Variants in NPIPB2 observed in about 807,000 individuals in gnomAD.
NPIPB2 encodes nuclear pore complex-interacting protein family member B2.
NPIPB2 carries 27 observed loss-of-function variants against 30.8 expected under a neutral mutation model. The observed-to-expected ratio is 0.88, with a 90% CI of 0.65 to 1.21. NPIPB2 has a LOEUF of 1.21. Among genes scored for constraint, NPIPB2 ranks in the 50% most tolerant of loss-of-function variants. NPIPB2 has a pLI of 0.00. For synonymous variants in NPIPB2, 147 were observed against 162.0 expected (o/e 0.91, Z 0.70); for missense variants, 440 against 446.2 (o/e 0.99, Z 0.13).
intron 1 of NPIPB2, among the ~76,000 whole-genome samples, chr16:11,958,940 T>G (rs983780429): frequency 6.6e-6 from 1 of 152,072 alleles, no homozygotes; most frequent in Non-Finnish European, 1.5e-5. Context: ...CACCAACCAG[T>G]GGATCTAGAA....
At chr16:11,945,756 G>C (rs1004145350), upstream of NPIPB2, among the ~76,000 whole-genome samples, 5 of 152,168 alleles carry the variant, frequency 3.3e-5, no homozygotes, top group Admixed American at 3.3e-4. Flanking sequence ...ATTAAGACAG[G>C]CTGAGGGAAG....
chr16:11,949,517 A>G (rs1259999329), intron 1 of NPIPB2, among the ~76,000 whole-genome samples: 1 of 152,182 alleles, frequency 6.6e-6, no homozygotes, highest in Non-Finnish European at 1.5e-5. Context: ...AAATGCAGCC[A>G]CAGGAATCCG....
upstream of NPIPB2, chr16:11,942,249 A>T: frequency 1.6e-6 from 1 of 607,250 alleles, no homozygotes; most frequent in Non-Finnish European, 2.9e-6. Flanking sequence ...CATGTTTCTG[A>T]TCATATAACT....
At chr16:11,973,290 G>C (rs1311755326) in intron 1 of NPIPB2, among the ~76,000 whole-genome samples, 1 of 152,000 alleles carries the variant, frequency 6.6e-6, no homozygotes, top group Non-Finnish European at 1.5e-5. Flanking sequence ...TGCCTTTGGA[G>C]TGCCCTTGGC....
chr16:11,975,440 C>T (rs961886129), intron 1 of NPIPB2, among the ~76,000 whole-genome samples: 3 of 152,032 alleles, frequency 2.0e-5, no homozygotes, highest in Non-Finnish European at 2.9e-5. Flanking sequence ...AGCCACCGCG[C>T]CCGGCCAATC....
intron 1 of NPIPB2, chr16:11,976,478 C>T (rs1257636924): frequency 9.3e-6 from 3 of 322,626 alleles, no homozygotes; most frequent in Non-Finnish European, 1.1e-5. Context: ...GACGAAGTCG[C>T]CCCATCACTC....
chr16:11,933,368 AAACT>A, intron 4 of NPIPB2, 145 bp downstream of exon 4: 1 of 1,287,128 alleles, frequency 7.8e-7, no homozygotes, highest in Non-Finnish European at 1.1e-6. Flanking sequence ...TATACAGCTT[AAACT>A]AATGAAGCAG....
At chr16:11,952,278 G>A (rs1368588945) in intron 1 of NPIPB2, among the ~76,000 whole-genome samples, 1 of 151,708 alleles carries the variant, frequency 6.6e-6, no homozygotes, top group Non-Finnish European at 1.5e-5. Context: ...AACCGGGGAG[G>A]TGGAGCTTGA....
At chr16:11,965,216 C>A in intron 1 of NPIPB2, 3 of 1,464,292 alleles carry the variant, frequency 2.0e-6, no homozygotes, top group Non-Finnish European at 2.8e-6. Context: ...GTTCATTGTT[C>A]TCAACATTCT....
chr16:11,956,996 C>A (rs182565508), intron 1 of NPIPB2, among the ~76,000 whole-genome samples: 22 of 151,698 alleles, frequency 1.5e-4, no homozygotes, highest in East Asian at 1.9e-4. Context: ...TTAATTAATT[C>A]TTCTTCTTCT....
chr16:11,962,625 A>AC (rs2055162450), intron 1 of NPIPB2, among the ~76,000 whole-genome samples: 1 of 149,808 alleles, frequency 6.7e-6, no homozygotes, highest in East Asian at 1.9e-4. Flanking sequence ...AAAAAAAAAA[A>AC]AAAACCAAAA....
intron 1 of NPIPB2, among the ~76,000 whole-genome samples, chr16:11,969,296 C>T (rs1402325372): frequency 2.0e-5 from 3 of 152,030 alleles, no homozygotes; most frequent in South Asian, 2.1e-4. Flanking sequence ...CTCGCTCTGT[C>T]GTTGACACGG....
At chr16:11,971,943 G>C (rs949363270) in intron 1 of NPIPB2, among the ~76,000 whole-genome samples, 1 of 151,792 alleles carries the variant, frequency 6.6e-6, no homozygotes, top group Non-Finnish European at 1.5e-5. Flanking sequence ...TCAGGAGTTT[G>C]AGACCAGCAT....
At chr16:11,952,240 C>T (rs150107686) in intron 1 of NPIPB2, among the ~76,000 whole-genome samples, 4 of 148,296 alleles carry the variant, frequency 2.7e-5, no homozygotes, top group East Asian at 4.0e-4. Context: ...CCCAGCTACT[C>T]GGGAGGCTAA....
At chr16:11,956,785 T>C (rs890480738) in intron 1 of NPIPB2, among the ~76,000 whole-genome samples, 15 of 152,194 alleles carry the variant, frequency 9.9e-5, no homozygotes, top group African/African-American at 3.4e-4. Context: ...TGAGGTCCCC[T>C]CCTGAAAACC....
intron 4 of NPIPB2, among the ~76,000 whole-genome samples, 147 bp downstream of exon 4, chr16:11,933,364 GCTTAAA>G (rs2054816997): frequency 6.6e-6 from 1 of 151,988 alleles, no homozygotes; most frequent in African/African-American, 2.4e-5. Flanking sequence ...GAATTATACA[GCTTAAA>G]CTAATGAAGC....
intron 1 of NPIPB2, among the ~76,000 whole-genome samples, chr16:11,938,024 T>A (rs1019863589): frequency 1.3e-5 from 2 of 152,238 alleles, no homozygotes; most frequent in African/African-American, 4.8e-5. Flanking sequence ...AAACCTCTTT[T>A]TGTTTTTGAG....
chr16:11,974,421 G>T (rs904959268), intron 1 of NPIPB2, among the ~76,000 whole-genome samples: 2 of 152,170 alleles, frequency 1.3e-5, no homozygotes, highest in African/African-American at 4.8e-5. Context: ...GGAGGCTGAG[G>T]CAGGAGAATC....
chr16:11,948,396 A>C (rs1156934342), intron 1 of NPIPB2, among the ~76,000 whole-genome samples: 1 of 152,152 alleles, frequency 6.6e-6, no homozygotes, highest in African/African-American at 2.4e-5. Flanking sequence ...TTTTTTGGCA[A>C]AAAGACTGAA....
Sources: gnomAD v4.1 joint callset for allele counts (sites outside exome capture counted in the v4.1 genomes callset) on GRCh38, gnomAD v4.1.1 for gene constraint, MANE v1.5 for transcripts, NCBI Gene and HGNC (gene_info 2026-07-23, HGNC 2026-07-21) for gene names.